PLD5: variants seen among roughly 807,000 people sequenced by gnomAD.
PLD5 encodes the protein inactive phospholipase D5.
PLD5 carries 36 observed loss-of-function variants against 61.1 expected under a neutral mutation model. The ratio of observed to expected loss-of-function variants is 0.59; its 90% CI spans 0.45 to 0.78. The LOEUF is 0.78. Among genes scored for constraint, PLD5 ranks in the 30% least tolerant of loss-of-function variants. The pLI is 0.00. For synonymous variants in PLD5, 243 were observed against 242.8 expected (o/e 1.00, Z -0.01); for missense variants, 515 against 644.4 (o/e 0.80, Z 2.17).
intron 1 of PLD5, among the ~76,000 whole-genome samples, chr1:242,476,208 A>T (rs1667591358): frequency 6.6e-6 from 1 of 152,128 alleles, no homozygotes; most frequent in Admixed American, 6.5e-5. Context: ...TACAAAAATT[A>T]GCCAGACATG....
chr1:242,287,152 A>T (rs1394532397), intron 3 of PLD5, among the ~76,000 whole-genome samples: 2 of 152,156 alleles, frequency 1.3e-5, no homozygotes, highest in Non-Finnish European at 2.9e-5. Flanking sequence ...ATCATGACAG[A>T]ACATGCAGAG....
At chr1:242,421,537 G>T (rs1417145482) in intron 1 of PLD5, among the ~76,000 whole-genome samples, 1 of 152,116 alleles carries the variant, frequency 6.6e-6, no homozygotes, top group Admixed American at 6.5e-5. Flanking sequence ...CAAATCATAC[G>T]ACCAAGCCTG....
chr1:242,382,632 T>G (rs185826963), intron 1 of PLD5, among the ~76,000 whole-genome samples: 30 of 152,248 alleles, frequency 2.0e-4, no homozygotes, highest in Non-Finnish European at 4.0e-4. Flanking sequence ...TTTACTGGTG[T>G]GGTAAGGAAG....
intron 1 of PLD5, among the ~76,000 whole-genome samples, chr1:242,379,891 GC>G (rs1479154063): frequency 6.6e-6 from 1 of 152,068 alleles, no homozygotes; most frequent in African/African-American, 2.4e-5. Flanking sequence ...ACCTTTTACA[GC>G]CCCAGCTTTT....
chr1:242,260,974 C>G (rs1398639853), intron 4 of PLD5, among the ~76,000 whole-genome samples: 1 of 152,176 alleles, frequency 6.6e-6, no homozygotes, highest in Non-Finnish European at 1.5e-5. Context: ...CAATTTTCAC[C>G]AAGTTTATCT....
chr1:242,201,170 C>A (rs149841203), intron 5 of PLD5, among the ~76,000 whole-genome samples: 61 of 152,166 alleles, frequency 4.0e-4, no homozygotes, highest in African/African-American at 1.3e-3. Context: ...ATACAGTTTG[C>A]GGAGGGAATT....
intron 6 of PLD5, among the ~76,000 whole-genome samples, chr1:242,117,182 T>C (rs1392831150): frequency 6.6e-6 from 1 of 152,190 alleles, no homozygotes; most frequent in Non-Finnish European, 1.5e-5. Flanking sequence ...CCTGTGTCTC[T>C]GCCTCCTTCA....
At chr1:242,208,158 A>T (rs1669562389) in intron 5 of PLD5, among the ~76,000 whole-genome samples, 1 of 150,976 alleles carries the variant, frequency 6.6e-6, no homozygotes, top group African/African-American at 2.4e-5. Context: ...AGTAGCTAAG[A>T]TTATAGGCAC....
chr1:242,304,893 C>T (rs928712741), intron 2 of PLD5, among the ~76,000 whole-genome samples: 4 of 152,070 alleles, frequency 2.6e-5, no homozygotes, highest in Admixed American at 6.6e-5. Flanking sequence ...CGCTTGTGCC[C>T]AGCAGTTCAA....
At chr1:242,400,395 A>G (rs1405393412) in intron 1 of PLD5, among the ~76,000 whole-genome samples, 1 of 152,038 alleles carries the variant, frequency 6.6e-6, no homozygotes, top group Non-Finnish European at 1.5e-5. Flanking sequence ...AGGAAGGACA[A>G]AAATGAAGAA....
At chr1:242,137,707 G>C (rs957778967) in intron 5 of PLD5, among the ~76,000 whole-genome samples, 2 of 152,170 alleles carry the variant, frequency 1.3e-5, no homozygotes, top group African/African-American at 4.8e-5. Context: ...GGATCCCATT[G>C]ATCATAAACC....
intron 1 of PLD5, among the ~76,000 whole-genome samples, chr1:242,433,763 T>C (rs1048547919): frequency 6.6e-6 from 1 of 152,080 alleles, no homozygotes; most frequent in African/African-American, 2.4e-5. Flanking sequence ...GCTTGCTTTA[T>C]GTGAGGACGT....
In PLD5 at chr1:242,311,375, T is replaced by C. The variant is rs74152334; in HGVS notation, c.327-22845A>G. Among the ~76,000 whole-genome samples, 460 of 152,326 alleles carry C rather than the reference T, an allele frequency of 3.0e-3. 2 individuals carry two copies. The highest frequency in any genetic ancestry group is 0.011 in the African/African-American group (444 of 41,580). ...CAGTTCAAACATCTGCAGGTTTTAT[T>C]AAAGACATTTCTGATTCAGGAGGTC... On this transcript the variant is annotated intron_variant, in intron 2 of 9. Coordinates refer to ENST00000536534, the MANE Select transcript of PLD5 (RefSeq NM_001372062.1).
intron 1 of PLD5, among the ~76,000 whole-genome samples, chr1:242,414,248 G>A (rs1664707393): frequency 6.6e-6 from 1 of 152,188 alleles, no homozygotes; most frequent in Non-Finnish European, 1.5e-5. Context: ...AAAGGATTGA[G>A]TGTTTAATTG....
In PLD5 at chr1:242,131,905, G is replaced by A. The variant is rs1261398344; in HGVS notation, c.736-7240C>T. Among the ~76,000 whole-genome samples, 3 of 145,544 alleles carry A rather than the reference G, an allele frequency of 2.1e-5. No individual in the cohort carries two copies. In the East Asian group the frequency reaches 6.2e-4, roughly 30 times the overall value. The stretch of plus-strand genomic sequence containing the variant: ...GCTGGAGTGCAGTAGCGCAATCTCG[G>A]CTCACTGCAACCTCTGCCTCCTGGG... On this transcript the variant is annotated intron_variant, in intron 5 of 9. Coordinates refer to ENST00000536534, the MANE Select transcript of PLD5 (RefSeq NM_001372062.1).
intron 5 of PLD5, among the ~76,000 whole-genome samples, chr1:242,128,380 C>A (rs1662968184): frequency 6.6e-6 from 1 of 151,176 alleles, no homozygotes. Context: ...GTCTGCTAAT[C>A]TTCATGTGGA....
At chr1:242,399,780 C>T (rs372055601) in intron 1 of PLD5, among the ~76,000 whole-genome samples, 22 of 152,168 alleles carry the variant, frequency 1.4e-4, no homozygotes, top group East Asian at 5.8e-4. Flanking sequence ...TCCTGAGCTC[C>T]GCCTCCTGTC....
At chr1:242,222,696 C>T (rs751840755) in intron 4 of PLD5, among the ~76,000 whole-genome samples, 29 of 152,182 alleles carry the variant, frequency 1.9e-4, no homozygotes, top group Non-Finnish European at 2.5e-4. Flanking sequence ...CCACTGGGGA[C>T]GACCTCTTTG....
chr1:242,250,719 A>G (rs1221061425), intron 4 of PLD5, among the ~76,000 whole-genome samples: 1 of 152,236 alleles, frequency 6.6e-6, no homozygotes, highest in African/African-American at 2.4e-5. Context: ...AAAAATTGGT[A>G]AAGCAAGGAA....
Sources: allele counts gnomAD v4.1 joint callset (sites outside exome capture counted in the v4.1 genomes callset), GRCh38; gene constraint gnomAD v4.1.1; transcripts MANE v1.5; gene names NCBI Gene and HGNC (gene_info 2026-07-23, HGNC 2026-07-21).